The following ARL15 variants were observed in gnomAD, a reference collection of about 807,000 sequenced individuals.
The protein encoded by ARL15 is ADP-ribosylation factor-like protein 15.
A neutral mutation model predicts 25.2 loss-of-function variants in ARL15; 19 were observed. The ratio of observed to expected loss-of-function variants is 0.75; its 90% confidence interval spans 0.53 to 1.10. ARL15 has a LOEUF of 1.10. Ranked by LOEUF, ARL15 falls within the 50% of genes least tolerant of loss-of-function variation. The probability of loss-of-function intolerance (pLI) is 0.00; values close to 1 mark genes in which losing one functional copy is unlikely to be tolerated. For synonymous variants in ARL15, 94 were observed against 86.8 expected, an observed-to-expected ratio of 1.08 and a Z score of -0.46; for missense variants, 220 against 246.0, an observed-to-expected ratio of 0.89 and a Z score of 0.71.
At chr5:54,135,638 CT>C (rs1753579759) in intron 3 of ARL15, among the ~76,000 whole-genome samples, 7 of 152,176 alleles carry the variant, frequency 4.6e-5, no homozygotes, top group Admixed American at 4.6e-4. Context: ...AATGAAAACT[CT>C]TCAAACATGG....
chr5:54,268,918 C>G (rs1318756549), intron 1 of ARL15, among the ~76,000 whole-genome samples: 1 of 152,068 alleles, frequency 6.6e-6, no homozygotes, highest in African/African-American at 2.4e-5. Flanking sequence ...CATGTCCTTT[C>G]TAGGGACATG....
At chr5:54,261,835 C>T (rs893743150) in intron 1 of ARL15, among the ~76,000 whole-genome samples, 18 of 151,980 alleles carry the variant, frequency 1.2e-4, no homozygotes, top group African/African-American at 2.9e-4. Context: ...AATGAACAAG[C>T]GAAAATTCCA....
intron 2 of ARL15, among the ~76,000 whole-genome samples, chr5:54,167,820 C>T (rs1754617411): frequency 6.6e-6 from 1 of 152,166 alleles, no homozygotes; most frequent in African/African-American, 2.4e-5. Flanking sequence ...GTCTACCCCT[C>T]AATTCCTTTG....
intron 4 of ARL15, among the ~76,000 whole-genome samples, chr5:53,988,828 A>C (rs2111643339): frequency 6.6e-6 from 1 of 152,308 alleles, no homozygotes; most frequent in Non-Finnish European, 1.5e-5. Flanking sequence ...TACCAAGCAT[A>C]ATGGTTAGTG....
At chr5:53,943,344 T>G (rs1353409359) in intron 4 of ARL15, among the ~76,000 whole-genome samples, 1 of 152,064 alleles carries the variant, frequency 6.6e-6, no homozygotes, top group African/African-American at 2.4e-5. Flanking sequence ...TTTTATTTTC[T>G]CAGGGAAACA....
chr5:54,262,263 A>G (rs1162203551), intron 1 of ARL15, among the ~76,000 whole-genome samples: 1 of 152,214 alleles, frequency 6.6e-6, no homozygotes, highest in Non-Finnish European at 1.5e-5. Flanking sequence ...TTTATAGCCA[A>G]GACTGGACTC....
intron 1 of ARL15, among the ~76,000 whole-genome samples, chr5:54,197,181 A>G (rs1157556916): frequency 6.6e-6 from 1 of 152,060 alleles, no homozygotes; most frequent in Non-Finnish European, 1.5e-5. Flanking sequence ...GCAGAGTCCA[A>G]ATTGTTTGAA....
At chr5:54,143,178 T>G (rs1251064409) in intron 3 of ARL15, among the ~76,000 whole-genome samples, 1 of 152,136 alleles carries the variant, frequency 6.6e-6, no homozygotes, top group Non-Finnish European at 1.5e-5. Context: ...ATTTGATCTG[T>G]TATCTGCTCA....
chr5:54,086,864 A>G (rs1379754650), intron 4 of ARL15, among the ~76,000 whole-genome samples: 1 of 152,218 alleles, frequency 6.6e-6, no homozygotes, highest in African/African-American at 2.4e-5. Context: ...TGATTTGAAA[A>G]CAGTAGTATA....
intron 4 of ARL15, among the ~76,000 whole-genome samples, chr5:53,989,033 A>G (rs1216175178): frequency 6.6e-6 from 1 of 152,152 alleles, no homozygotes; most frequent in Non-Finnish European, 1.5e-5. Flanking sequence ...TAACCTCTAA[A>G]TGGTTCTTGC....
At chr5:54,302,258 A>T (rs1207276779) in intron 1 of ARL15, among the ~76,000 whole-genome samples, 1 of 152,224 alleles carries the variant, frequency 6.6e-6, no homozygotes, top group African/African-American at 2.4e-5. Flanking sequence ...TAATTATAAT[A>T]GTTAAGCAGC....
intron 4 of ARL15, among the ~76,000 whole-genome samples, chr5:53,981,595 GA>G (rs1179941119): frequency 2.6e-5 from 4 of 152,152 alleles, no homozygotes. Flanking sequence ...GTATCTGCAA[GA>G]ACTCTTGAAA....
intron 3 of ARL15, among the ~76,000 whole-genome samples, chr5:54,136,869 GTTT>G (rs760461874): frequency 1.4e-5 from 2 of 138,168 alleles, no homozygotes; most frequent in Non-Finnish European, 3.2e-5. Context: ...GTCTGCCTGG[GTTT>G]TTTTTTTTTT....
At chr5:53,932,804 G>C (rs1419392704) in intron 4 of ARL15, among the ~76,000 whole-genome samples, 1 of 152,174 alleles carries the variant, frequency 6.6e-6, no homozygotes, top group Non-Finnish European at 1.5e-5. Context: ...ATAGAGATTT[G>C]CAAATAGAGG....
intron 1 of ARL15, among the ~76,000 whole-genome samples, chr5:54,212,217 C>G (rs1205150571): frequency 2.6e-5 from 4 of 152,104 alleles, no homozygotes; most frequent in African/African-American, 9.7e-5. Flanking sequence ...AATTTGCCAA[C>G]CAATGGTTTA....
At chr5:54,067,196 T>C (rs1751264887) in intron 4 of ARL15, 2 of 152,664 alleles carry the variant, frequency 1.3e-5, no homozygotes, top group Admixed American at 1.3e-4. Flanking sequence ...GGTGTTATTA[T>C]TACTGAGATT....
At chr5:53,947,872 G>A (rs574068270) in intron 4 of ARL15, among the ~76,000 whole-genome samples, 2 of 152,140 alleles carry the variant, frequency 1.3e-5, no homozygotes, top group African/African-American at 4.8e-5. Flanking sequence ...AAAGAAAGGG[G>A]GAGGGCTGGG....
intron 1 of ARL15, among the ~76,000 whole-genome samples, chr5:54,299,398 G>C (rs1758553805): frequency 6.6e-6 from 1 of 152,092 alleles, no homozygotes; most frequent in Non-Finnish European, 1.5e-5. Context: ...GCCAGACCTA[G>C]GTTCAAATTC....
At chr5:54,166,517 T>A (rs1754572377) in intron 2 of ARL15, among the ~76,000 whole-genome samples, 1 of 152,102 alleles carries the variant, frequency 6.6e-6, no homozygotes, top group Non-Finnish European at 1.5e-5. Flanking sequence ...ATGTTCCTTT[T>A]GTTTGGGGTT....
Sources: allele counts gnomAD v4.1 joint callset (sites outside exome capture counted in the v4.1 genomes callset), GRCh38; gene constraint gnomAD v4.1.1; transcripts MANE v1.5; gene names NCBI Gene and HGNC (gene_info 2026-07-23, HGNC 2026-07-21).